The following SMOC1 variants were observed in gnomAD, a reference collection of about 807,000 sequenced individuals.
SMOC1 encodes the protein SPARC related modular calcium binding 1, also known as SPARC-related modular calcium-binding protein 1.
In SMOC1, 22 loss-of-function variants were observed where a neutral mutation model predicts 56.3. The ratio of observed to expected loss-of-function variants is 0.39; its 90% CI spans 0.28 to 0.56. The LOEUF (loss-of-function observed/expected upper bound fraction) is 0.56, where lower values mean the gene tolerates loss of function less well. SMOC1 is among the 20% of genes least tolerant of loss of function. SMOC1 has a pLI of 0.61. For synonymous variants in SMOC1, 193 were observed against 215.0 expected, an observed-to-expected ratio of 0.90 and a Z score of 0.89; for missense variants, 509 against 565.4, an observed-to-expected ratio of 0.90 and a Z score of 1.01.
intron 7 of SMOC1, among the ~76,000 whole-genome samples, chr14:70,009,124 T>C (rs1885246186): frequency 6.6e-6 from 1 of 152,266 alleles, no homozygotes; most frequent in Non-Finnish European, 1.5e-5. Context: ...ATATTTGCAT[T>C]ATGAAAACAG....
chr14:69,922,503 C>T (rs956327934), intron 1 of SMOC1, among the ~76,000 whole-genome samples: 13 of 152,112 alleles, frequency 8.5e-5, no homozygotes, highest in Admixed American at 5.9e-4. Context: ...TATTGCTGTC[C>T]GGTGTAATGT....
chr14:69,909,928 G>A (rs565083051), intron 1 of SMOC1, among the ~76,000 whole-genome samples: 6 of 152,304 alleles, frequency 3.9e-5, no homozygotes, highest in East Asian at 3.9e-4. Context: ...TCAAGAGGAC[G>A]TGATTGGAGA....
chr14:69,914,548 G>T (rs1362163870), intron 1 of SMOC1, among the ~76,000 whole-genome samples: 6 of 151,720 alleles, frequency 4.0e-5, no homozygotes, highest in African/African-American at 1.5e-4. Flanking sequence ...ACACCCACAC[G>T]ATCAGAAGTG....
intron 1 of SMOC1, among the ~76,000 whole-genome samples, chr14:69,913,559 C>T (rs1180573369): frequency 6.6e-6 from 1 of 151,988 alleles, no homozygotes; most frequent in African/African-American, 2.4e-5. Flanking sequence ...AGTAACTAGT[C>T]ATTGTGTATT....
intron 1 of SMOC1, among the ~76,000 whole-genome samples, chr14:69,922,716 A>C (rs901303989): frequency 2.0e-5 from 3 of 152,058 alleles, no homozygotes; most frequent in African/African-American, 7.2e-5. Flanking sequence ...ACATTGTATC[A>C]GCTTATGGGG....
chr14:69,983,387 G>A (rs1352624793), intron 5 of SMOC1, among the ~76,000 whole-genome samples: 1 of 152,228 alleles, frequency 6.6e-6, no homozygotes, highest in Non-Finnish European at 1.5e-5. Context: ...ACCCAGGGAT[G>A]AGTATAACAG....
At chr14:69,999,492 G>A (rs1004325991) in intron 7 of SMOC1, among the ~76,000 whole-genome samples, 3 of 152,228 alleles carry the variant, frequency 2.0e-5, no homozygotes, top group African/African-American at 7.2e-5. Context: ...GGAAGAATGA[G>A]TAATCCACTA....
intron 1 of SMOC1, among the ~76,000 whole-genome samples, chr14:69,901,986 T>G (rs1256970024): frequency 6.6e-6 from 1 of 152,250 alleles, no homozygotes; most frequent in East Asian, 1.9e-4. Flanking sequence ...ACTCTACTCT[T>G]CATAACTTGA....
chr14:69,944,578 C>A (rs2139422834), intron 1 of SMOC1, among the ~76,000 whole-genome samples: 1 of 152,242 alleles, frequency 6.6e-6, no homozygotes, highest in East Asian at 1.9e-4. Context: ...TGACTTATAA[C>A]TGATTTTTTT....
At chr14:69,916,977 T>TA (rs1046757550) in intron 1 of SMOC1, among the ~76,000 whole-genome samples, 19 of 152,340 alleles carry the variant, frequency 1.2e-4, no homozygotes, top group Admixed American at 7.8e-4. Flanking sequence ...GAATTCTCAT[T>TA]TCTCAGACTG....
chr14:69,919,913 C>T (rs886515836), intron 1 of SMOC1, among the ~76,000 whole-genome samples: 20 of 128,398 alleles, frequency 1.6e-4, no homozygotes, highest in African/African-American at 4.7e-4. Flanking sequence ...CACAAATACC[C>T]CCCCCCCCCT....
rs919428630 is a variant in SMOC1, at chr14:70,032,123, C to T, written c.*1865C>T. The T allele has an allele frequency of 2.0e-5, 3 of 152,346 alleles. No individual in the cohort carries two copies. The highest frequency in any genetic ancestry group is 2.9e-5 in the Non-Finnish European group (2 of 68,074). 9.4% of individuals were successfully genotyped at this position (152,346 alleles called of 1,614,324 possible). A position where few individuals can be genotyped will look rare whatever the true frequency, so the allele number is the denominator to read the frequency against. ...TCTCCCATTAGCCCCAATGAGAGAA[C>T]TCAACGTGCCGGAGCTGAGTGGGCC... is the stretch of plus-strand genomic sequence containing the variant. On this transcript the variant is annotated 3_prime_UTR_variant, in exon 12 of 12. Coordinates refer to ENST00000361956, the MANE Select transcript of SMOC1 (RefSeq NM_001034852.3).
intron 7 of SMOC1, among the ~76,000 whole-genome samples, chr14:70,004,687 ACT>A (rs933700721): frequency 2.7e-5 from 4 of 150,198 alleles, no homozygotes; most frequent in Admixed American, 6.6e-5. Flanking sequence ...TTAAAATATC[ACT>A]CTCTCTCTCT....
intron 1 of SMOC1, among the ~76,000 whole-genome samples, chr14:69,887,405 C>T (rs1883839389): frequency 6.6e-6 from 1 of 152,110 alleles, no homozygotes; most frequent in South Asian, 2.1e-4. Flanking sequence ...GGTGTTGATA[C>T]TCTACCTTTT....
At chr14:70,020,834 T>G (rs761891236) in intron 10 of SMOC1, among the ~76,000 whole-genome samples, 1 of 152,090 alleles carries the variant, frequency 6.6e-6, no homozygotes, top group Non-Finnish European at 1.5e-5. Flanking sequence ...AAGGAAACTC[T>G]TGGAGGTTGT....
intron 5 of SMOC1, among the ~76,000 whole-genome samples, chr14:69,982,593 G>A (rs1407877424): frequency 1.3e-5 from 2 of 152,230 alleles, no homozygotes; most frequent in Non-Finnish European, 2.9e-5. Context: ...CTGAAGGAGG[G>A]GTGCTTCATT....
intron 1 of SMOC1, among the ~76,000 whole-genome samples, chr14:69,949,412 C>T (rs569780742): frequency 2.0e-5 from 3 of 152,298 alleles, no homozygotes; most frequent in South Asian, 2.1e-4. Flanking sequence ...GCTAGATGCT[C>T]GGGGGAGGTG....
At chr14:69,940,689 C>T (rs991380285) in intron 1 of SMOC1, among the ~76,000 whole-genome samples, 1 of 152,190 alleles carries the variant, frequency 6.6e-6, no homozygotes. Flanking sequence ...TTGGATGCAC[C>T]CCAAGTGTAA....
At chr14:69,903,900 TAAA>T (rs55792587) in intron 1 of SMOC1, among the ~76,000 whole-genome samples, 21 of 138,980 alleles carry the variant, frequency 1.5e-4, no homozygotes, top group Non-Finnish European at 2.3e-4. Context: ...AATGATCAAT[TAAA>T]AAAAAAAAAA....
Sources: allele counts gnomAD v4.1 joint callset (sites outside exome capture counted in the v4.1 genomes callset), GRCh38; gene constraint gnomAD v4.1.1; transcripts MANE v1.5; gene names NCBI Gene and HGNC (gene_info 2026-07-23, HGNC 2026-07-21).